COLEC12: variants seen among roughly 807,000 people sequenced by gnomAD.
The protein encoded by COLEC12 is collectin-12.
A neutral mutation model predicts 71.1 loss-of-function variants in COLEC12; 33 were observed. That is an observed-to-expected ratio of 0.46 (90% CI 0.35 to 0.62). The LOEUF is 0.62. Among genes scored for constraint, COLEC12 ranks in the 20% least tolerant of loss-of-function variants. The probability of loss-of-function intolerance (pLI) is 0.00; values close to 1 mark genes in which losing one functional copy is unlikely to be tolerated. For synonymous variants in COLEC12, 350 were observed against 353.0 expected (o/e 0.99, Z 0.10); for missense variants, 765 against 916.1 (o/e 0.84, Z 2.13).
chr18:486,772 A>G, intron 1 of COLEC12, among the ~76,000 whole-genome samples: 1 of 152,224 alleles, frequency 6.6e-6, no homozygotes. Context: ...GGACTGTTGG[A>G]ACATAAGTTT....
Position 500,432 on chromosome 18 carries a change from G to C in COLEC12, c.7+76C>G. 8.2e-6 allele frequency: 7 copies of C among 848,794 alleles called. No individual in the cohort carries two copies. The highest frequency in any genetic ancestry group is 8.4e-5 in the East Asian group (1 of 11,908). The allele number at this position is 848,794 out of a possible 1,614,324, so 52.6% of individuals were successfully genotyped here. ...GCCCAAGGGAAGGTTCGCGCGGGAG[G>C]CACCTCCGTGGCCTCCCGCGCGCCC... On this transcript the variant is annotated intron_variant, in intron 1 of 9. Transcript: ENST00000400256. This position sits in a 1 kb window ranked among gnomAD's most constrained non-coding sequence, Gnocchi z 5.3.
intron 5 of COLEC12, among the ~76,000 whole-genome samples, chr18:340,402 C>T (rs1191483948): frequency 6.6e-6 from 1 of 152,166 alleles, no homozygotes; most frequent in Non-Finnish European, 1.5e-5. Flanking sequence ...CACCTCTACC[C>T]CACGGTCCCC....
Position 452,693 on chromosome 18 carries a change from C to T in COLEC12, c.58+28014G>A, listed in dbSNP as rs113310732. ...AACCATAACTCTTTCCAATCAAAGCCAGGACCCAAAGATGGGCTCTCCAGG... is the reference window on the plus strand; with the variant it reads ...AACCATAACTCTTTCCAATCAAAGCTAGGACCCAAAGATGGGCTCTCCAGG... On this transcript the variant is annotated intron_variant, in intron 2 of 9. Coordinates refer to ENST00000400256, the MANE Select transcript of COLEC12 (RefSeq NM_130386.3). Among the ~76,000 whole-genome samples the T allele has an allele frequency of 2.3e-3, 354 of 152,338 alleles. 2 individuals are homozygous for T. Among genetic ancestry groups the T allele is most frequent in the African/African-American group, 8.1e-3 (335 of 41,580 alleles).
intron 2 of COLEC12, among the ~76,000 whole-genome samples, chr18:456,601 C>T (rs2143724959): frequency 6.6e-6 from 1 of 152,356 alleles, no homozygotes; most frequent in Admixed American, 6.5e-5. Flanking sequence ...AGGTCACAAA[C>T]CCATTTGGGT....
intron 5 of COLEC12, among the ~76,000 whole-genome samples, chr18:341,869 T>C (rs1914260008): frequency 6.6e-6 from 1 of 152,110 alleles, no homozygotes; most frequent in Non-Finnish European, 1.5e-5. Context: ...CTGATGACTC[T>C]CGGAAGAGCA....
At chr18:406,488 C>G (rs1022901166) in intron 2 of COLEC12, among the ~76,000 whole-genome samples, 1 of 134,520 alleles carries the variant, frequency 7.4e-6, no homozygotes, top group Non-Finnish European at 1.5e-5. Flanking sequence ...CGCAGTCCGG[C>G]CTGGACGACA....
chr18:399,015 T>G lies in COLEC12; in HGVS notation c.59-41493A>C, dbSNP rs1915625713. 6.6e-6 allele frequency among the ~76,000 whole-genome samples: 1 copy of G among 152,244 alleles called. No individual in the cohort carries two copies. Among genetic ancestry groups the G allele is most frequent in the South Asian group, 2.1e-4 (1 of 4,826 alleles). On this transcript the variant is annotated intron_variant, in intron 2 of 9. Coordinates refer to ENST00000400256, the MANE Select transcript of COLEC12 (RefSeq NM_130386.3). This position sits in a 1 kb window ranked among gnomAD's most constrained non-coding sequence, Gnocchi z 4.0. ...AAATCCTAACCTAAACACATCCAAA[T>G]TCCTCTGATCTTGTTACCCATGTAA...
At chr18:378,877 A>T (rs1031344573) in intron 2 of COLEC12, among the ~76,000 whole-genome samples, 5 of 151,430 alleles carry the variant, frequency 3.3e-5, no homozygotes, top group African/African-American at 1.2e-4. Flanking sequence ...CATCCCCCTC[A>T]TTCTCAGCAG....
intron 2 of COLEC12, among the ~76,000 whole-genome samples, chr18:359,406 C>T (rs1413501671): frequency 6.6e-6 from 1 of 152,140 alleles, no homozygotes; most frequent in African/African-American, 2.4e-5. Flanking sequence ...CAATATATAA[C>T]AAATTTTGCA....
intron 6 of COLEC12, 105 bp from the exon 7 acceptor site, chr18:333,248 G>T: frequency 1.1e-6 from 1 of 940,584 alleles, no homozygotes; most frequent in Non-Finnish European, 1.6e-6. Context: ...GCTGGGAGCA[G>T]CCTGAGCGTC....
At chr18:482,118 CTT>C (rs35339618) in intron 1 of COLEC12, among the ~76,000 whole-genome samples, 18 of 141,206 alleles carry the variant, frequency 1.3e-4, no homozygotes, top group Middle Eastern at 3.6e-3. Flanking sequence ...AGGAGGAACA[CTT>C]TTTTTTTTTT....
chr18:411,208 C>T (rs1164634099), intron 2 of COLEC12, among the ~76,000 whole-genome samples: 2 of 152,196 alleles, frequency 1.3e-5, no homozygotes, highest in Non-Finnish European at 2.9e-5. Context: ...GAGGTGATGC[C>T]TACCCGTCCC....
chr18:394,346 T>G (rs555770250), intron 2 of COLEC12, among the ~76,000 whole-genome samples: 1 of 152,352 alleles, frequency 6.6e-6, no homozygotes, highest in East Asian at 1.9e-4. Flanking sequence ...TTGATCCATT[T>G]TCTAACCCCA....
At chr18:446,858 A>T (rs772159151) in intron 2 of COLEC12, among the ~76,000 whole-genome samples, 1 of 152,074 alleles carries the variant, frequency 6.6e-6, no homozygotes, top group East Asian at 1.9e-4. Flanking sequence ...CATTCTATCC[A>T]TTTATCTTCA....
chr18:459,606 G>T (rs955790885), intron 2 of COLEC12, among the ~76,000 whole-genome samples: 5 of 152,190 alleles, frequency 3.3e-5, no homozygotes, highest in Admixed American at 3.3e-4. Flanking sequence ...GGGCCCCAGC[G>T]CAGCTTTCTT....
At chr18:383,671 A>C (rs1049776060) in intron 2 of COLEC12, among the ~76,000 whole-genome samples, 2 of 151,468 alleles carry the variant, frequency 1.3e-5, no homozygotes, top group Non-Finnish European at 2.9e-5. Flanking sequence ...CCCCCTACCC[A>C]CTCCTTCTCC....
At chr18:338,646 T>G (rs1248377327) in intron 5 of COLEC12, among the ~76,000 whole-genome samples, 1 of 152,230 alleles carries the variant, frequency 6.6e-6, no homozygotes, top group African/African-American at 2.4e-5. Flanking sequence ...GACTTTTTGC[T>G]GCCAGATCTA....
At chr18:494,119 G>T (rs1308732783) in intron 1 of COLEC12, among the ~76,000 whole-genome samples, 1 of 152,158 alleles carries the variant, frequency 6.6e-6, no homozygotes, top group Non-Finnish European at 1.5e-5. Context: ...AATTATCCCT[G>T]CATTTTTTAT....
chr18:485,425 C>T (rs547056888), intron 1 of COLEC12, among the ~76,000 whole-genome samples: 1 of 152,354 alleles, frequency 6.6e-6, no homozygotes, highest in South Asian at 2.1e-4. Flanking sequence ...AAGAAGCAAC[C>T]TTAACATATT....
Sources: allele counts gnomAD v4.1 joint callset (sites outside exome capture counted in the v4.1 genomes callset), GRCh38; gene constraint gnomAD v4.1.1; non-coding constraint Gnocchi (gnomAD v3.1); transcripts MANE v1.5; gene names NCBI Gene and HGNC (gene_info 2026-07-23, HGNC 2026-07-21).